The following CFAP20DC variants were observed in gnomAD, a reference collection of about 807,000 sequenced individuals.
CFAP20DC encodes CFAP20 domain containing, also known as protein CFAP20DC.
Under a neutral mutation model 101.7 loss-of-function variants are expected in CFAP20DC, and 84 were observed. That is an observed-to-expected ratio of 0.83 (90% CI 0.69 to 0.99). The LOEUF is 0.99. CFAP20DC is among the 50% of genes least tolerant of loss of function. The probability of loss-of-function intolerance (pLI) is 0.00; values close to 1 mark genes in which losing one functional copy is unlikely to be tolerated. For missense variants in CFAP20DC, 1,007 were observed against 970.3 expected (o/e 1.04, Z -0.50); for synonymous variants, 359 against 351.2 (o/e 1.02, Z -0.25).
chr3:58,923,097 G>C (rs2085565319), intron 5 of CFAP20DC, among the ~76,000 whole-genome samples: 2 of 151,978 alleles, frequency 1.3e-5, no homozygotes, highest in East Asian at 3.9e-4. Context: ...AGTAGAGATG[G>C]GGTTTCGCCA....
At chr3:58,880,796 C>G (rs2081175935) in intron 7 of CFAP20DC, among the ~76,000 whole-genome samples, 2 of 151,986 alleles carry the variant, frequency 1.3e-5, no homozygotes, top group Non-Finnish European at 2.9e-5. Context: ...TTATGTTTCA[C>G]TTTTATTGAA....
chr3:58,738,955 A>G (rs76956330), downstream of CFAP20DC, among the ~76,000 whole-genome samples: 8,610 of 152,286 alleles, frequency 0.057, 528 homozygotes, highest in East Asian at 0.35. This position sits in a 1 kb window ranked among gnomAD's most constrained non-coding sequence, Gnocchi z 4.4. Flanking sequence ...TCTTTCAATT[A>G]ATTGTGCTTC....
rs768472036 is a variant in CFAP20DC at position 58,753,772 on chromosome 3, G to A, written c.2329C>T (p.Gln777Ter). 1 of 1,605,924 alleles carries A rather than the reference G, an allele frequency of 6.2e-7. No individual in the cohort carries two copies. Residue 777 changes from glutamine to a stop codon, truncating the protein, a stop_gained, in exon 16 of 17, where the codon CAA (glutamine) becomes TAA (stop). Coordinates refer to ENST00000482387, the MANE Select transcript of CFAP20DC (RefSeq NM_001394063.1). LOFTEE classifies it high-confidence loss of function. ...ATATCGTTTTTCATAGTCCCACCTT[G>A]AACACTCAAACTTTCACAGGAATCT... is the stretch of plus-strand genomic sequence containing the variant. ...RPDSCESLSV[Q>*]GEEDLSVEED...
At chr3:58,761,220 A>C (rs1405923672) in intron 15 of CFAP20DC, among the ~76,000 whole-genome samples, 1 of 152,138 alleles carries the variant, frequency 6.6e-6, no homozygotes, top group Non-Finnish European at 1.5e-5. Context: ...AGAGCCTGTC[A>C]TTGGTCTATT....
Position 58,829,085 on chromosome 3 carries a change from A to T in CFAP20DC, c.2175+2601T>A, listed in dbSNP as rs537566449. On this transcript the variant is annotated intron_variant, in intron 14 of 16. Transcript: ENST00000482387. ...ATGGTGGCTCACCTGTAATCCCAGC[A>T]CTTTGGGAGGCCAAGGTGGGTGGAT... Among the ~76,000 whole-genome samples the T allele has an allele frequency of 9.9e-5, 15 of 152,080 alleles. No homozygotes were observed. The South Asian group carries it at 2.9e-3, about 29-fold the overall frequency.
chr3:58,779,527 T>C (rs758787478), intron 15 of CFAP20DC, among the ~76,000 whole-genome samples: 57 of 152,032 alleles, frequency 3.7e-4, no homozygotes, highest in Non-Finnish European at 6.5e-4. Context: ...TATTAGTAGA[T>C]AGAAAATTCT....
At chr3:58,849,596 C>T (rs1425947582) in intron 12 of CFAP20DC, among the ~76,000 whole-genome samples, 187 bp from the exon 13 acceptor site, 2 of 152,006 alleles carry the variant, frequency 1.3e-5, no homozygotes. Context: ...AGTTATAAGC[C>T]ATTTGCTAAA....
intron 15 of CFAP20DC, among the ~76,000 whole-genome samples, chr3:58,766,361 T>G (rs2070311903): frequency 6.6e-6 from 1 of 152,224 alleles, no homozygotes; most frequent in Non-Finnish European, 1.5e-5. Flanking sequence ...GAGGTTCTTA[T>G]GAAAATTCCT....
Position 58,976,475 on chromosome 3 carries a change from C to G in CFAP20DC, c.279-38713G>C, listed in dbSNP as rs2092282269. Among the ~76,000 whole-genome samples, 3 of 152,162 alleles carry G rather than the reference C, an allele frequency of 2.0e-5. 1 individual carries two copies. The South Asian group carries it at 6.2e-4, about 32-fold the overall frequency. On this transcript the variant is annotated intron_variant, in intron 4 of 16. Transcript: ENST00000482387. ...ATGTTATGATGACCATTTTTGCCAT[C>G]ACCTGTGTCCTGAAAGTGCCTGGGG... is the stretch of plus-strand genomic sequence containing the variant.
At chr3:59,025,248 G>C (rs2093873792) in intron 4 of CFAP20DC, among the ~76,000 whole-genome samples, 2 of 151,990 alleles carry the variant, frequency 1.3e-5, no homozygotes, top group African/African-American at 4.8e-5. Context: ...TTTTCTTCAT[G>C]TTTATGCCCA....
At chr3:59,031,809 T>C (rs2094000262) in intron 4 of CFAP20DC, among the ~76,000 whole-genome samples, 1 of 152,210 alleles carries the variant, frequency 6.6e-6, no homozygotes, top group Admixed American at 6.5e-5. Context: ...CTCAAATTTA[T>C]GTCACTCTCA....
At chr3:58,852,036 C>T (rs996800977) in intron 12 of CFAP20DC, among the ~76,000 whole-genome samples, 1 of 152,126 alleles carries the variant, frequency 6.6e-6, no homozygotes. Context: ...CAGCAAAATG[C>T]CTTGACCAAT....
At chr3:58,935,977 T>C (rs1001508465) in intron 5 of CFAP20DC, among the ~76,000 whole-genome samples, 1 of 151,666 alleles carries the variant, frequency 6.6e-6, no homozygotes, top group Non-Finnish European at 1.5e-5. Flanking sequence ...ACCATCAGAG[T>C]GAACAGGCAA....
Position 58,914,165 on chromosome 3 carries a change from G to A in CFAP20DC, c.394-301C>T, listed in dbSNP as rs937178042. On this transcript the variant is annotated intron_variant, in intron 5 of 16. Transcript: ENST00000482387. This position sits in a 1 kb window ranked among gnomAD's most constrained non-coding sequence, Gnocchi z 4.9. ...CTATCTGTAGGCAGTATGCCAGCAG[G>A]AAGCTAATTGCAGGTGTGTTAGACC... Among the ~76,000 whole-genome samples, 2 of 152,132 alleles carry A rather than the reference G, an allele frequency of 1.3e-5. No individual in the cohort carries two copies. The highest frequency in any genetic ancestry group is 2.9e-5 in the Non-Finnish European group (2 of 68,014).
rs571296998 is a variant in CFAP20DC, at chr3:58,892,062, T to C, written c.551-7353A>G. On this transcript the variant is annotated intron_variant, in intron 6 of 16. Transcript: ENST00000482387. This position sits in a 1 kb window ranked among gnomAD's most constrained non-coding sequence, Gnocchi z 4.0. The stretch of plus-strand genomic sequence containing the variant: ...AATCTGATGCATATGGCTAACCAGT[T>C]ATCCCAGCATCATTTATTGAACAGG... Among the ~76,000 whole-genome samples the C allele has an allele frequency of 1.7e-4, 26 of 152,376 alleles. No individual in the cohort carries two copies. Among genetic ancestry groups the C allele is most frequent in the Middle Eastern group, 3.4e-3 (1 of 294 alleles).
intron 14 of CFAP20DC, among the ~76,000 whole-genome samples, chr3:58,816,878 T>G (rs1368403314): frequency 6.6e-6 from 1 of 152,304 alleles, no homozygotes; most frequent in African/African-American, 2.4e-5. Context: ...CTCTGCAGAC[T>G]TAAGTGTCCC....
chr3:58,786,892 T>A (rs1011245705), intron 15 of CFAP20DC, among the ~76,000 whole-genome samples: 1 of 151,836 alleles, frequency 6.6e-6, no homozygotes, highest in Non-Finnish European at 1.5e-5. Context: ...CTTGTTAATA[T>A]CTTACTGTGT....
chr3:59,013,956 T>G (rs1052749004), intron 4 of CFAP20DC, among the ~76,000 whole-genome samples: 2 of 152,196 alleles, frequency 1.3e-5, no homozygotes, highest in African/African-American at 4.8e-5. Context: ...GCCAACAGGA[T>G]GAATTCAATG....
In CFAP20DC at chr3:58,724,104, G is replaced by A. The variant is rs897681479; in HGVS notation, c.198-6476C>T. Among the ~76,000 whole-genome samples, 7 of 152,170 alleles carry A rather than the reference G, an allele frequency of 4.6e-5. No individual in the cohort carries two copies. The highest frequency in any genetic ancestry group is 1.7e-4 in the African/African-American group (7 of 41,440). ...TGAAAGGAGGGTGCTCCATGCTGTG[G>A]AGGGGCCTGGGGAATTCTCAAGTTG... On this transcript the variant is annotated intron_variant, in intron 3 of 3. Coordinates refer to the CFAP20DC transcript ENST00000486145. The surrounding 1 kb of genome is among the most constrained non-coding windows in gnomAD (Gnocchi z 5.6).
Sources: gnomAD v4.1 joint callset for allele counts (sites outside exome capture counted in the v4.1 genomes callset) on GRCh38, gnomAD v4.1.1 for gene constraint, Gnocchi (gnomAD v3.1) non-coding constraint, MANE v1.5 for transcripts, NCBI Gene and HGNC (gene_info 2026-07-23, HGNC 2026-07-21) for gene names.